MLLT1: variants seen among roughly 807,000 people sequenced by gnomAD.
MLLT1 encodes the protein MLLT1 super elongation complex subunit, also known as protein ENL.
MLLT1 carries 11 observed loss-of-function variants against 55.1 expected under a neutral mutation model. The observed-to-expected ratio is 0.20, with a 90% confidence interval of 0.13 to 0.33. The LOEUF (loss-of-function observed/expected upper bound fraction) is 0.33. Ranked by LOEUF, MLLT1 falls within the 10% of genes least tolerant of loss-of-function variation. MLLT1 has a pLI of 1.00. For synonymous variants in MLLT1, 323 were observed against 320.1 expected, an observed-to-expected ratio of 1.01 and a Z score of -0.10; for missense variants, 536 against 760.6, an observed-to-expected ratio of 0.70 and a Z score of 3.47.
Position 6,222,286 on chromosome 19 carries a change from C to T in MLLT1, c.945G>A (p.Ser315=), listed in dbSNP as rs904334930. 6.2e-6 allele frequency: 10 copies of T among 1,609,858 alleles called. No individual in the cohort carries two copies. Among genetic ancestry groups the T allele is most frequent in the East Asian group, 4.5e-5 (2 of 44,700 alleles). Residue 315 remains serine, a synonymous_variant, in exon 6 of 12, where the codon TCG becomes TCA. Coordinates refer to ENST00000252674, the MANE Select transcript of MLLT1 (RefSeq NM_005934.4). This position sits in a 1 kb window ranked among gnomAD's most constrained non-coding sequence, Gnocchi z 4.1. ...SKGSRSAPGT[S]PRTSSSSSFS... ...AGGAGGAGGAGGAGGAGGTGCGGGG[C>T]GAGGTGCCTGGAGCACTCCGGGACC...
rs1385009282 is a variant in MLLT1 at position 6,219,659 on chromosome 19, C to T, written c.1111-1618G>A. On this transcript the variant is annotated intron_variant, in intron 6 of 11. Transcript: ENST00000252674. The surrounding 1 kb of genome is among the most constrained non-coding windows in gnomAD (Gnocchi z 4.5). ...AATCCCTGGGGCAGAGGGGTGGGCA[C>T]CAACCTGGAGGGAGGTGGACTGGAG... Among the ~76,000 whole-genome samples, 1 of 152,220 alleles carries T rather than the reference C, an allele frequency of 6.6e-6. No homozygotes were observed. The highest frequency in any genetic ancestry group is 1.5e-5 in the Non-Finnish European group (1 of 68,054).
intron 3 of MLLT1, among the ~76,000 whole-genome samples, chr19:6,253,578 A>G (rs74255000): frequency 1.3e-5 from 2 of 152,270 alleles, no homozygotes; most frequent in East Asian, 3.9e-4. Flanking sequence ...ATCCTTAACA[A>G]AATACTAGCA....
intron 4 of MLLT1, among the ~76,000 whole-genome samples, chr19:6,228,152 C>T (rs903973652): frequency 5.3e-5 from 8 of 152,276 alleles, no homozygotes; most frequent in Admixed American, 3.3e-4. Flanking sequence ...GTGCCCCAGC[C>T]GTCCCTGAAA....
chr19:6,216,728 C>T (rs2090848439), intron 7 of MLLT1: 1 of 570,620 alleles, frequency 1.8e-6, no homozygotes, highest in South Asian at 2.1e-5. Flanking sequence ...TCCCCCACCC[C>T]TCCCTACCTT....
rs535046696 is a variant in MLLT1 at position 6,225,978 on chromosome 19, G to A, written c.546+999C>T. ...CCGAGTGGGGAGACCCCAGGGTTCC[G>A]TTTCCTACTCAGAGAATCTGGCAAG... On this transcript the variant is annotated intron_variant, in intron 5 of 11. Transcript: ENST00000252674. Among the ~76,000 whole-genome samples the A allele has an allele frequency of 5.9e-5, 9 of 152,364 alleles. No individual in the cohort carries two copies. In the East Asian group the frequency reaches 7.7e-4, roughly 13 times the overall value.
At chr19:6,233,174 C>G (rs1003162847) in intron 3 of MLLT1, among the ~76,000 whole-genome samples, 1 of 152,212 alleles carries the variant, frequency 6.6e-6, no homozygotes, top group South Asian at 2.1e-4. Context: ...CAGTGCCGGA[C>G]GGCTCACACG....
chr19:6,214,519 CT>C (rs544507391), intron 8 of MLLT1, among the ~76,000 whole-genome samples: 6 of 152,324 alleles, frequency 3.9e-5, no homozygotes, highest in African/African-American at 1.2e-4. Context: ...ATCGGCCCCC[CT>C]GACCCTAGAG....
At chr19:6,223,685 G>A (rs758964114) in intron 5 of MLLT1, among the ~76,000 whole-genome samples, 10 of 152,132 alleles carry the variant, frequency 6.6e-5, no homozygotes, top group African/African-American at 1.4e-4. Flanking sequence ...CAGCCTGGGC[G>A]CTGCTGCTTG....
intron 8 of MLLT1, 47 bp downstream of exon 8, chr19:6,216,358 C>G: frequency 7.2e-7 from 1 of 1,397,056 alleles, no homozygotes; most frequent in Non-Finnish European, 9.9e-7. Context: ...CAGCCGGAGT[C>G]GCCCCGGGTG....
At position 6,262,050 on chromosome 19, in the gene MLLT1, T is replaced by A. The variant is rs1337570157; in HGVS notation, c.276+178A>T. On this transcript the variant is annotated intron_variant, in intron 3 of 11. Transcript: ENST00000252674. The surrounding 1 kb of genome is among the most constrained non-coding windows in gnomAD (Gnocchi z 4.4). ...ACCTGCTGTCATGAAACCAGCCGTG[T>A]CCTGGCCCCCGACGTCCCCAGGAAT... is the stretch of plus-strand genomic sequence containing the variant. Among the ~76,000 whole-genome samples the A allele has an allele frequency of 6.6e-6, 1 of 152,144 alleles. No individual in the cohort carries two copies. The highest frequency in any genetic ancestry group is 1.5e-5 in the Non-Finnish European group (1 of 68,018).
At chr19:6,265,510 A>C (rs1021809661) in intron 2 of MLLT1, among the ~76,000 whole-genome samples, 1 of 152,140 alleles carries the variant, frequency 6.6e-6, no homozygotes, top group African/African-American at 2.4e-5. Context: ...ATCTCTAATA[A>C]AAATACAAAA....
intron 3 of MLLT1, among the ~76,000 whole-genome samples, chr19:6,239,899 T>A (rs77879618): frequency 0.022 from 3,396 of 152,284 alleles, 44 homozygotes; most frequent in Middle Eastern, 0.051. Flanking sequence ...GTAATCTGCA[T>A]ATATCACCTT....
chr19:6,275,784 G>A (rs1344105540), intron 1 of MLLT1, among the ~76,000 whole-genome samples: 3 of 152,238 alleles, frequency 2.0e-5, no homozygotes, highest in Non-Finnish European at 4.4e-5. Context: ...AGAGTGGTGT[G>A]TAGACCACCT....
intron 5 of MLLT1, among the ~76,000 whole-genome samples, chr19:6,225,160 C>G (rs549323944): frequency 6.6e-6 from 1 of 152,336 alleles, no homozygotes; most frequent in Non-Finnish European, 1.5e-5. Flanking sequence ...GGTCCTGCCC[C>G]CTCTATGAGG....
rs1359096920 is a variant in MLLT1, at chr19:6,273,854, GAC to G, written c.13-3097_13-3096del. ...CGGCCGACTTCCCGGCATTTCTGATGACAGGGAGTTCCTACCCAGGGCACGCA... is the reference window on the plus strand; with the variant it reads ...CGGCCGACTTCCCGGCATTTCTGATGAGGGAGTTCCTACCCAGGGCACGCA... On this transcript the variant is annotated intron_variant, in intron 1 of 11. Transcript: ENST00000252674. The surrounding 1 kb of genome is among the most constrained non-coding windows in gnomAD (Gnocchi z 4.3). 6.6e-6 allele frequency among the ~76,000 whole-genome samples: 1 copy of G among 152,216 alleles called. No homozygotes were observed. Among genetic ancestry groups the G allele is most frequent in the African/African-American group, 2.4e-5 (1 of 41,448 alleles).
intron 11 of MLLT1, 77 bp downstream of exon 11, chr19:6,213,260 C>T: frequency 6.2e-7 from 1 of 1,607,878 alleles, no homozygotes; most frequent in Non-Finnish European, 8.5e-7. Context: ...CCTGGGGCAG[C>T]ACCAGGGGCC....
In MLLT1 at chr19:6,262,210, T is replaced by C; in HGVS notation, c.276+18A>G. The C allele has an allele frequency of 6.2e-7, 1 of 1,609,110 alleles. No homozygotes were observed. The highest frequency in any genetic ancestry group is 8.5e-7 in the Non-Finnish European group (1 of 1,175,742). On this transcript the variant is annotated intron_variant, in intron 3 of 11. Coordinates refer to ENST00000252674, the MANE Select transcript of MLLT1 (RefSeq NM_005934.4). This position sits in a 1 kb window ranked among gnomAD's most constrained non-coding sequence, Gnocchi z 4.4. ...CCCCACAGAGAGGCATCCTGCTTGC[T>C]CCCCTCAGGGATCCTACCTTGTTTT...
chr19:6,263,777 G>C (rs529122306), intron 2 of MLLT1, among the ~76,000 whole-genome samples: 3 of 152,200 alleles, frequency 2.0e-5, no homozygotes, highest in African/African-American at 7.2e-5. Flanking sequence ...ACGAGGACAC[G>C]ATGGGCAAGG....
At chr19:6,221,811 C>A (rs2090900102) in intron 6 of MLLT1, among the ~76,000 whole-genome samples, 1 of 152,246 alleles carries the variant, frequency 6.6e-6, no homozygotes, top group South Asian at 2.1e-4. Flanking sequence ...CGGGCCCATG[C>A]AGGGGGCTGC....
Sources: gnomAD v4.1 joint callset for allele counts (sites outside exome capture counted in the v4.1 genomes callset) on GRCh38, gnomAD v4.1.1 for gene constraint, Gnocchi (gnomAD v3.1) non-coding constraint, MANE v1.5 for transcripts, NCBI Gene and HGNC (gene_info 2026-07-23, HGNC 2026-07-21) for gene names.